Variants in PICALM observed in about 807,000 individuals in gnomAD.
PICALM encodes the protein phosphatidylinositol binding clathrin assembly protein.
A neutral mutation model predicts 80.5 loss-of-function variants in PICALM; 40 were observed. The observed-to-expected ratio is 0.50, with a 90% CI of 0.39 to 0.65. The LOEUF is 0.65. Among genes scored for constraint, PICALM ranks in the 30% least tolerant of loss-of-function variants. The pLI is 0.00. For synonymous variants in PICALM, 288 were observed against 260.3 expected, an observed-to-expected ratio of 1.11 and a Z score of -1.02; for missense variants, 676 against 778.9, an observed-to-expected ratio of 0.87 and a Z score of 1.57.
At chr11:85,992,368 T>G (rs775948384) in intron 12 of PICALM, among the ~76,000 whole-genome samples, 1 of 151,772 alleles carries the variant, frequency 6.6e-6, no homozygotes, top group Non-Finnish European at 1.5e-5. Context: ...CATTGCAACT[T>G]CCGCTTCCTG....
chr11:86,065,455 ATTTGT>A (rs898632806), intron 1 of PICALM, among the ~76,000 whole-genome samples: 1 of 151,682 alleles, frequency 6.6e-6, no homozygotes, highest in African/African-American at 2.4e-5. Flanking sequence ...AAAAAAAAAA[ATTTGT>A]TTTTTCTATC....
chr11:85,959,156 G>A, intron 19 of PICALM, 96 bp from the exon 20 acceptor site: 1 of 752,786 alleles, frequency 1.3e-6, no homozygotes, highest in Non-Finnish European at 2.2e-6. Flanking sequence ...AACTGGCCCA[G>A]AAGTGTTCAC....
In PICALM at chr11:85,983,978, G is replaced by C. The variant is rs2094511970; in HGVS notation, c.1409-5C>G. 2 of 1,425,638 alleles carry C rather than the reference G, an allele frequency of 1.4e-6. No individual in the cohort carries two copies. Among genetic ancestry groups the C allele is most frequent in the Non-Finnish European group, 2.0e-6 (2 of 1,017,896 alleles). 88.3% of individuals were successfully genotyped at this position (1,425,638 alleles called of 1,614,324 possible). A position where few individuals can be genotyped will look rare whatever the true frequency, so the allele number is the denominator to read the frequency against. On this transcript the variant is annotated splice_polypyrimidine_tract_variant and splice_region_variant and intron_variant, in intron 13 of 19. Transcript: ENST00000393346. ...CAACTGGAGAAGGAGTGAATCCTGAGTAAACCAAAATGGAAAAAAGCTCAA... is the reference window on the plus strand; with the variant it reads ...CAACTGGAGAAGGAGTGAATCCTGACTAAACCAAAATGGAAAAAAGCTCAA...
intron 14 of PICALM, 119 bp downstream of exon 14, chr11:85,983,747 A>G (rs980241519): frequency 2.0e-6 from 1 of 501,140 alleles, no homozygotes; most frequent in African/African-American, 2.0e-5. Context: ...GGGATGGGAC[A>G]ATTTCTTTGG....
rs191691811 is a variant in PICALM at position 85,981,377 on chromosome 11, G to C, written c.1680-149C>G. On this transcript the variant is annotated intron_variant, in intron 16 of 19. Coordinates refer to ENST00000393346, the MANE Select transcript of PICALM (RefSeq NM_007166.4). ...TCCCAGCACTTTGGGAGGCCAAGGT[G>C]GACAAATCACTTGAGGTCAGGAGAT... The C allele has an allele frequency of 1.8e-4, 104 of 588,764 alleles. 1 individual carries two copies. Among genetic ancestry groups the C allele is most frequent in the Non-Finnish European group, 2.9e-4 (96 of 336,536 alleles). The allele number at this position is 588,764 out of a possible 1,614,324, so 36.5% of individuals were successfully genotyped here.
At position 86,012,404 on chromosome 11, in the gene PICALM, T is replaced by C. The variant is rs748704305; in HGVS notation, c.547-12A>G. The C allele has an allele frequency of 1.3e-6, 2 of 1,482,654 alleles. No individual in the cohort carries two copies. Among genetic ancestry groups the C allele is most frequent in the African/African-American group, 1.4e-5 (1 of 72,256 alleles). 91.8% of individuals were successfully genotyped at this position (1,482,654 alleles called of 1,614,324 possible). ...TCATTGCTATTAACCTAGGGAAAAA[T>C]TGGAAAATAAAATTAGCTAATCTTA... On this transcript the variant is annotated splice_polypyrimidine_tract_variant and intron_variant, in intron 5 of 19. Coordinates refer to ENST00000393346, the MANE Select transcript of PICALM (RefSeq NM_007166.4).
chr11:85,984,012 T>C, intron 13 of PICALM, 39 bp from the exon 14 acceptor site: 1 of 866,648 alleles, frequency 1.2e-6, no homozygotes, highest in Non-Finnish European at 1.9e-6. Flanking sequence ...AATTATTTAA[T>C]AACTCTACAT....
At chr11:85,990,189 C>A (rs889597194) in intron 13 of PICALM, 61 bp downstream of exon 13, 3 of 897,192 alleles carry the variant, frequency 3.3e-6, no homozygotes, top group Non-Finnish European at 3.3e-6. Context: ...TTAATGGACA[C>A]GTAAAATATA....
At chr11:86,046,188 C>T (rs1009045224) in intron 1 of PICALM, among the ~76,000 whole-genome samples, 1 of 152,168 alleles carries the variant, frequency 6.6e-6, no homozygotes, top group East Asian at 1.9e-4. Flanking sequence ...TTTGCCATCA[C>T]TGAAGTTCTG....
At chr11:86,008,518 G>T (rs2095323973) in intron 7 of PICALM, among the ~76,000 whole-genome samples, 1 of 152,022 alleles carries the variant, frequency 6.6e-6, no homozygotes, top group Non-Finnish European at 1.5e-5. Flanking sequence ...TACTCAGCAG[G>T]CTGAAGCAGG....
chr11:86,005,886 T>C (rs2095265820), intron 8 of PICALM, among the ~76,000 whole-genome samples: 1 of 152,132 alleles, frequency 6.6e-6, no homozygotes, highest in African/African-American at 2.4e-5. Context: ...ATTTTCTGAA[T>C]CAGCCAAAGA....
intron 1 of PICALM, among the ~76,000 whole-genome samples, chr11:86,041,209 A>G (rs931797989): frequency 1.3e-5 from 2 of 152,204 alleles, no homozygotes; most frequent in Non-Finnish European, 1.5e-5. Flanking sequence ...TTAAATATTT[A>G]TTAAATTAAT....
intron 17 of PICALM, among the ~76,000 whole-genome samples, chr11:85,980,629 T>C (rs781056071): frequency 6.6e-6 from 1 of 152,188 alleles, no homozygotes; most frequent in Non-Finnish European, 1.5e-5. Context: ...GAAGCAAGTA[T>C]AGTTTCTTTA....
chr11:85,959,295 G>A (rs915618941), intron 19 of PICALM, among the ~76,000 whole-genome samples: 1 of 152,084 alleles, frequency 6.6e-6, no homozygotes, highest in Non-Finnish European at 1.5e-5. Context: ...TTGAGACAGA[G>A]TCTTGCTCTG....
intron 1 of PICALM, among the ~76,000 whole-genome samples, chr11:86,046,606 C>A (rs982388270): frequency 6.6e-5 from 10 of 152,206 alleles, no homozygotes; most frequent in African/African-American, 2.4e-4. Context: ...ATTACTGCTG[C>A]AAAACCTTCA....
At chr11:86,013,240 A>T (rs2095428366) in intron 5 of PICALM, among the ~76,000 whole-genome samples, 1 of 152,106 alleles carries the variant, frequency 6.6e-6, no homozygotes, top group Non-Finnish European at 1.5e-5. Flanking sequence ...GCTTGAGCCC[A>T]GGAGTTGGAG....
chr11:86,027,816 C>T (rs374667763), intron 2 of PICALM, among the ~76,000 whole-genome samples: 17 of 152,228 alleles, frequency 1.1e-4, no homozygotes, highest in African/African-American at 2.2e-4. Context: ...AAACTGCGCC[C>T]GGCCTCCAAA....
intron 1 of PICALM, among the ~76,000 whole-genome samples, chr11:86,037,777 C>T (rs1335881521): frequency 1.3e-5 from 2 of 151,834 alleles, no homozygotes; most frequent in African/African-American, 4.8e-5. Context: ...CATACACAAT[C>T]GAACACTTCC....
chr11:86,049,191 G>A (rs2096132966), intron 1 of PICALM, among the ~76,000 whole-genome samples: 1 of 152,176 alleles, frequency 6.6e-6, no homozygotes, highest in South Asian at 2.1e-4. Context: ...CTACTTGGGA[G>A]GCTGAGGCAT....
Sources: allele counts gnomAD v4.1 joint callset (sites outside exome capture counted in the v4.1 genomes callset), GRCh38; gene constraint gnomAD v4.1.1; transcripts MANE v1.5; gene names NCBI Gene and HGNC (gene_info 2026-07-23, HGNC 2026-07-21).